Variants in DCTN6 observed in about 807,000 individuals in gnomAD.
DCTN6 encodes the protein dynactin subunit 6, also known as dynactin 6.
In DCTN6, 15 loss-of-function variants were observed where a neutral mutation model predicts 25.8. That is an observed-to-expected ratio of 0.58 (90% CI 0.39 to 0.89). The LOEUF (loss-of-function observed/expected upper bound fraction) is 0.89. DCTN6 is among the 40% of genes least tolerant of loss of function. The pLI is 0.00. For missense variants in DCTN6, 198 were observed against 237.6 expected (o/e 0.83, Z 1.09); for synonymous variants, 64 against 78.3 (o/e 0.82, Z 0.96).
At chr8:30,172,884 A>G (rs1803782049) in intron 2 of DCTN6, among the ~76,000 whole-genome samples, 3 of 152,114 alleles carry the variant, frequency 2.0e-5, no homozygotes, top group South Asian at 4.1e-4. Context: ...ATCTATGTGA[A>G]TATGTGTTAT....
chr8:30,160,295 A>G (rs1312367612), intron 1 of DCTN6, among the ~76,000 whole-genome samples: 1 of 152,198 alleles, frequency 6.6e-6, no homozygotes, highest in African/African-American at 2.4e-5. Context: ...ATTAGTTCTC[A>G]TGAGATCTAA....
chr8:30,158,872 C>G (rs1435035101), intron 1 of DCTN6, among the ~76,000 whole-genome samples: 1 of 148,710 alleles, frequency 6.7e-6, no homozygotes, highest in Non-Finnish European at 1.5e-5. Context: ...ACCTTTGCCT[C>G]CTGGGTTCAA....
intron 2 of DCTN6, among the ~76,000 whole-genome samples, chr8:30,171,742 A>G (rs965340113): frequency 6.6e-6 from 1 of 152,184 alleles, no homozygotes; most frequent in Admixed American, 6.5e-5. Flanking sequence ...TTTGCTTACT[A>G]TGAAAAAGTT....
chr8:30,164,842 G>A (rs1304714786), intron 2 of DCTN6, among the ~76,000 whole-genome samples: 1 of 152,218 alleles, frequency 6.6e-6, no homozygotes, highest in Non-Finnish European at 1.5e-5. Flanking sequence ...AGGCGTGGAA[G>A]CAAAAGGGCA....
At chr8:30,160,545 C>G (rs925284218) in intron 1 of DCTN6, among the ~76,000 whole-genome samples, 2 of 152,128 alleles carry the variant, frequency 1.3e-5, no homozygotes, top group African/African-American at 2.4e-5. Context: ...TTCCCCTGCA[C>G]AGAGAAGAAA....
chr8:30,158,215 A>G (rs2117571526), intron 1 of DCTN6, among the ~76,000 whole-genome samples: 1 of 152,364 alleles, frequency 6.6e-6, no homozygotes, highest in South Asian at 2.1e-4. Context: ...TCAGTTGCCC[A>G]GGACAAGTTC....
intron 6 of DCTN6, among the ~76,000 whole-genome samples, chr8:30,182,371 G>T (rs1229458143): frequency 6.6e-6 from 1 of 152,152 alleles, no homozygotes; most frequent in African/African-American, 2.4e-5. Flanking sequence ...TCAGACAGAT[G>T]TAACCAACAA....
chr8:30,157,554 G>A (rs371348049), intron 1 of DCTN6, among the ~76,000 whole-genome samples: 1 of 152,168 alleles, frequency 6.6e-6, no homozygotes, highest in Admixed American at 6.5e-5. Flanking sequence ...TTCAATAGAT[G>A]AACTAATTTA....
At chr8:30,171,469 G>A (rs1803763863) in intron 2 of DCTN6, among the ~76,000 whole-genome samples, 1 of 151,940 alleles carries the variant, frequency 6.6e-6, no homozygotes, top group African/African-American at 2.4e-5. Flanking sequence ...CATTGCCCTG[G>A]CTGGTCTGGA....
intron 2 of DCTN6, among the ~76,000 whole-genome samples, chr8:30,165,442 GAA>G (rs552647890): frequency 1.8e-5 from 2 of 112,216 alleles, no homozygotes; most frequent in Non-Finnish European, 1.9e-5. Flanking sequence ...TTTCTTTAAT[GAA>G]AAAAAAAAAA....
At chr8:30,178,104 A>G (rs1416470560) in intron 4 of DCTN6, among the ~76,000 whole-genome samples, 2 of 152,050 alleles carry the variant, frequency 1.3e-5, no homozygotes, top group African/African-American at 2.4e-5. Flanking sequence ...TCCATTATTC[A>G]TGTGTTGTCT....
intron 1 of DCTN6, among the ~76,000 whole-genome samples, chr8:30,160,775 G>C (rs1803584062): frequency 6.6e-6 from 1 of 152,168 alleles, no homozygotes; most frequent in African/African-American, 2.4e-5. Flanking sequence ...TTATATCAGA[G>C]ACTTGAACAT....
chr8:30,174,642 T>G (rs544318957), intron 2 of DCTN6, among the ~76,000 whole-genome samples: 1 of 152,290 alleles, frequency 6.6e-6, no homozygotes, highest in South Asian at 2.1e-4. Flanking sequence ...GGAGGTACAC[T>G]CGCATAAGAA....
At chr8:30,168,695 T>C (rs1803720367) in intron 2 of DCTN6, among the ~76,000 whole-genome samples, 1 of 152,242 alleles carries the variant, frequency 6.6e-6, no homozygotes, top group Admixed American at 6.5e-5. Context: ...CGATCTGTTT[T>C]CCTAGAAAAG....
chr8:30,171,187 A>T (rs1803758105), intron 2 of DCTN6, among the ~76,000 whole-genome samples: 1 of 152,102 alleles, frequency 6.6e-6, no homozygotes, highest in East Asian at 1.9e-4. Context: ...GTCTCTGGCT[A>T]CTTATCTAGC....
chr8:30,178,105 T>C (rs1803865147), intron 4 of DCTN6, among the ~76,000 whole-genome samples: 1 of 152,116 alleles, frequency 6.6e-6, no homozygotes, highest in Non-Finnish European at 1.5e-5. Flanking sequence ...CCATTATTCA[T>C]GTGTTGTCTT....
intron 4 of DCTN6, among the ~76,000 whole-genome samples, chr8:30,178,946 C>T (rs929779865): frequency 1.3e-5 from 2 of 152,086 alleles, no homozygotes; most frequent in African/African-American, 4.8e-5. Flanking sequence ...TGTGAGCCAC[C>T]CTGCCTGGCC....
intron 2 of DCTN6, among the ~76,000 whole-genome samples, chr8:30,168,287 GT>G (rs1396995358): frequency 3.9e-5 from 6 of 152,156 alleles, no homozygotes; most frequent in Non-Finnish European, 5.9e-5. Flanking sequence ...TTCAGAATTA[GT>G]AATTAGATAA....
chr8:30,174,046 G>C (rs1002204748), intron 2 of DCTN6, among the ~76,000 whole-genome samples: 1 of 152,220 alleles, frequency 6.6e-6, no homozygotes, highest in African/African-American at 2.4e-5. Context: ...GACCGTGCTG[G>C]TGAAGTGGGA....
Sources: allele counts gnomAD v4.1 joint callset (sites outside exome capture counted in the v4.1 genomes callset), GRCh38; gene constraint gnomAD v4.1.1; transcripts MANE v1.5; gene names NCBI Gene and HGNC (gene_info 2026-07-23, HGNC 2026-07-21).